BRWD3: variants seen among roughly 807,000 people sequenced by gnomAD.
BRWD3 encodes bromodomain and WD repeat-containing protein 3.
Under a neutral mutation model 149.7 loss-of-function variants are expected in BRWD3, and 10 were observed. The observed-to-expected ratio is 0.07, with a 90% CI of 0.04 to 0.11. The LOEUF (loss-of-function observed/expected upper bound fraction) is 0.11. Ranked by LOEUF, BRWD3 falls within the 10% of genes least tolerant of loss-of-function variation. BRWD3 has a pLI of 1.00. For missense variants in BRWD3, 940 were observed against 1,373.2 expected (o/e 0.68, Z 4.99); for synonymous variants, 504 against 456.7 (o/e 1.10, Z -1.32).
In BRWD3 at chrX:80,712,592, G is replaced by A. The variant is rs1452841710; in HGVS notation, c.2326-3015C>T. ...CCACCCTGTCTGGGAAGTGAGGAGCGTCTCTGCCTGGCTGCCCATCGTCTG... is the reference window on the plus strand; with the variant it reads ...CCACCCTGTCTGGGAAGTGAGGAGCATCTCTGCCTGGCTGCCCATCGTCTG... On this transcript the variant is annotated intron_variant, in intron 20 of 40. Transcript: ENST00000373275. 4.9e-4 allele frequency among the ~76,000 whole-genome samples: 54 copies of A among 109,998 alleles called. 1 individual carries two copies. Among genetic ancestry groups the A allele is most frequent in the Non-Finnish European group, 9.3e-4 (49 of 52,714 alleles).
intron 8 of BRWD3, among the ~76,000 whole-genome samples, chrX:80,740,385 A>G (rs1299955694): frequency 8.9e-6 from 1 of 112,198 alleles, no homozygotes; most frequent in Non-Finnish European, 1.9e-5. Flanking sequence ...GACTTTCACT[A>G]CCAACATCTG....
At chrX:80,808,157 G>A (rs1443689777) in intron 4 of BRWD3, among the ~76,000 whole-genome samples, 1 of 102,017 alleles carries the variant, frequency 9.8e-6, no homozygotes, top group African/African-American at 3.6e-5. Context: ...CACTAATCCG[G>A]AACTCCGGGC....
intron 29 of BRWD3, 26 bp from the exon 30 acceptor site, chrX:80,692,004 A>G: frequency 8.6e-7 from 1 of 1,169,496 alleles, no homozygotes; most frequent in Non-Finnish European, 1.2e-6. Flanking sequence ...AAAAAAAAAA[A>G]TTAGAAAAAA....
intron 33 of BRWD3, 143 bp downstream of exon 33, chrX:80,689,625 T>C: frequency 1.9e-6 from 1 of 515,218 alleles, no homozygotes; most frequent in East Asian, 3.7e-5. Flanking sequence ...GCCATCTAAG[T>C]ACACTTTAAA....
At chrX:80,727,496 C>T (rs955239291) in intron 14 of BRWD3, among the ~76,000 whole-genome samples, 17 of 110,785 alleles carry the variant, frequency 1.5e-4, no homozygotes, top group Non-Finnish European at 2.1e-4. Context: ...TTGCACATGC[C>T]GTTCCCTCTT....
chrX:80,808,445 T>A, intron 4 of BRWD3, 94 bp downstream of exon 4: 2 of 643,734 alleles, frequency 3.1e-6, no homozygotes, highest in Admixed American at 2.8e-5. Context: ...CTCTAGAACC[T>A]CGTCGGCTGA....
chrX:80,726,450 C>T (rs755337449), intron 14 of BRWD3, among the ~76,000 whole-genome samples: 1 of 110,553 alleles, frequency 9.0e-6, no homozygotes, highest in Non-Finnish European at 1.9e-5. Flanking sequence ...CAAACATCTG[C>T]TTTAAGATCA....
chrX:80,767,192 G>A (rs1018815529), intron 6 of BRWD3, among the ~76,000 whole-genome samples: 2 of 112,404 alleles, frequency 1.8e-5, no homozygotes, highest in African/African-American at 6.5e-5. Context: ...TCTGAAGAGA[G>A]CAGTGGTTCT....
At chrX:80,716,116 T>C in intron 20 of BRWD3, 41 bp downstream of exon 20, 1 of 1,069,772 alleles carries the variant, frequency 9.3e-7, no homozygotes, top group Non-Finnish European at 1.3e-6. Context: ...TACAAATATC[T>C]GCAAATAGTG....
intron 8 of BRWD3, among the ~76,000 whole-genome samples, chrX:80,741,811 C>T (rs1179272082): frequency 1.8e-5 from 2 of 111,648 alleles, no homozygotes; most frequent in South Asian, 3.7e-4. Context: ...TGGATATTAG[C>T]CCTTTGTCAG....
chrX:80,767,625 T>C (rs2073880262), intron 6 of BRWD3, among the ~76,000 whole-genome samples: 1 of 105,633 alleles, frequency 9.5e-6, no homozygotes, highest in Non-Finnish European at 2.0e-5. Flanking sequence ...AAGCTGAAAA[T>C]TCTAAAAACC....
chrX:80,698,695 C>T (rs977735777), intron 25 of BRWD3, among the ~76,000 whole-genome samples: 3 of 85,458 alleles, frequency 3.5e-5, no homozygotes, highest in Non-Finnish European at 4.8e-5. Flanking sequence ...GGTGACAGAG[C>T]GAGACTCTGT....
chrX:80,731,966 A>T (rs1422620687), intron 12 of BRWD3, among the ~76,000 whole-genome samples: 1 of 110,250 alleles, frequency 9.1e-6, no homozygotes, highest in East Asian at 2.8e-4. Flanking sequence ...AAAATTCTAA[A>T]ATCTGAAAGT....
chrX:80,744,922 G>A (rs1469701234), intron 7 of BRWD3, among the ~76,000 whole-genome samples: 2 of 111,237 alleles, frequency 1.8e-5, no homozygotes, highest in African/African-American at 3.3e-5. Flanking sequence ...ATAACTTCCC[G>A]AATAACTTCC....
chrX:80,797,366 GATAT>G (rs2074249103), intron 4 of BRWD3, among the ~76,000 whole-genome samples: 1 of 110,965 alleles, frequency 9.0e-6, no homozygotes, highest in Admixed American at 9.7e-5. Flanking sequence ...ACCAACTCAA[GATAT>G]TCAGTTGTTA....
At chrX:80,802,442 TAAA>T (rs760675783) in intron 4 of BRWD3, among the ~76,000 whole-genome samples, 3 of 48,880 alleles carry the variant, frequency 6.1e-5, no homozygotes, top group Admixed American at 3.0e-4. Context: ...ACTCTCATCT[TAAA>T]AAAAAAAAAA....
chrX:80,801,871 A>T, intron 4 of BRWD3, among the ~76,000 whole-genome samples: 1 of 110,484 alleles, frequency 9.1e-6, no homozygotes, highest in Non-Finnish European at 1.9e-5. Context: ...TATATAGAAA[A>T]TAAATTCAGG....
chrX:80,717,906 TTG>T, intron 18 of BRWD3, 147 bp from the exon 19 acceptor site: 1 of 497,429 alleles, frequency 2.0e-6, no homozygotes, highest in Non-Finnish European at 3.4e-6. Flanking sequence ...GTACCCTCCT[TTG>T]TGTTTTTCAT....
chrX:80,722,916 C>A, intron 16 of BRWD3, 129 bp from the exon 17 acceptor site: 1 of 553,206 alleles, frequency 1.8e-6, no homozygotes, highest in Non-Finnish European at 3.1e-6. Flanking sequence ...TCCTTTGTTG[C>A]CCTGTATTCC....
Sources: gnomAD v4.1 joint callset for allele counts (sites outside exome capture counted in the v4.1 genomes callset) on GRCh38, gnomAD v4.1.1 for gene constraint, MANE v1.5 for transcripts, NCBI Gene and HGNC (gene_info 2026-07-23, HGNC 2026-07-21) for gene names.